NTSR1: variants seen among roughly 807,000 people sequenced by gnomAD.
The protein encoded by NTSR1 is neurotensin receptor type 1.
In NTSR1, 29 loss-of-function variants were observed where a neutral mutation model predicts 31.2. The observed-to-expected ratio is 0.93, with a 90% CI of 0.69 to 1.27. The LOEUF (loss-of-function observed/expected upper bound fraction) is 1.27. Among genes scored for constraint, NTSR1 ranks in the 50% most tolerant of loss-of-function variants. The probability of loss-of-function intolerance (pLI) is 0.00; values close to 1 mark genes in which losing one functional copy is unlikely to be tolerated. For synonymous variants in NTSR1, 282 were observed against 269.9 expected, an observed-to-expected ratio of 1.04 and a Z score of -0.44; for missense variants, 697 against 595.4, an observed-to-expected ratio of 1.17 and a Z score of -1.78.
intron 3 of NTSR1, among the ~76,000 whole-genome samples, chr20:62,759,678 G>A (rs565484416): frequency 2.0e-5 from 3 of 152,046 alleles, no homozygotes; most frequent in Non-Finnish European, 4.4e-5. Context: ...GGGAGGCTGA[G>A]GCAGGAGAAT....
chr20:62,756,738 G>A (rs1434503485), intron 2 of NTSR1: 1 of 152,268 alleles, frequency 6.6e-6, no homozygotes, highest in Non-Finnish European at 1.5e-5. Flanking sequence ...CATCCAAGGT[G>A]TGTCCTGGTC....
At chr20:62,747,983 C>G (rs1989330632) in intron 1 of NTSR1, among the ~76,000 whole-genome samples, 1 of 152,192 alleles carries the variant, frequency 6.6e-6, no homozygotes, top group Non-Finnish European at 1.5e-5. Flanking sequence ...TGAAACCAGC[C>G]TGGCCAACAT....
intron 1 of NTSR1, among the ~76,000 whole-genome samples, chr20:62,739,496 G>T (rs887257100): frequency 1.3e-5 from 2 of 152,256 alleles, no homozygotes. Context: ...GGAGAGCCAG[G>T]TGTCACTGAG....
In NTSR1 at chr20:62,738,060, G is replaced by A. The variant is rs563852023; in HGVS notation, c.715-16625G>A. ...TTCCCTGCAGTGCCCATCTGCCCAC[G>A]TCTGCCCCCCTCCCCCTCCTCTGCC... On this transcript the variant is annotated intron_variant, in intron 1 of 3. Transcript: ENST00000370501. Among the ~76,000 whole-genome samples the A allele has an allele frequency of 1.7e-4, 26 of 152,246 alleles. No homozygotes were observed. The East Asian group carries it at 4.2e-3, about 25-fold the overall frequency.
intron 1 of NTSR1, among the ~76,000 whole-genome samples, chr20:62,726,756 A>G (rs2147136701): frequency 1.3e-5 from 2 of 151,408 alleles, no homozygotes; most frequent in African/African-American, 4.8e-5. Flanking sequence ...TCATTTTACT[A>G]GGTGAGGAGG....
intron 1 of NTSR1, among the ~76,000 whole-genome samples, chr20:62,739,054 T>G (rs2147141697): frequency 6.6e-6 from 1 of 151,918 alleles, no homozygotes; most frequent in South Asian, 2.1e-4. Context: ...AAGCCAAGCC[T>G]CCTCACTGTT....
chr20:62,709,257 AC>A lies in NTSR1; in HGVS notation c.54del (p.Phe19SerfsTer38). On this transcript the variant is annotated frameshift_variant, in exon 1 of 4. Coordinates refer to ENST00000370501, the MANE Select transcript of NTSR1 (RefSeq NM_002531.3). LOFTEE classifies it high-confidence loss of function. The stretch of plus-strand genomic sequence containing the variant: ...GGAACCCCGGGCACGCCGGCCGCCG[AC>A]CCCTTCCAGCGGGCGCAGGCCGGAC... ...APGTPGTPAA[D>X]PFQRAQAGLE... 1 of 1,536,316 alleles carries A rather than the reference AC, an allele frequency of 6.5e-7. No homozygotes were observed. Among genetic ancestry groups the A allele is most frequent in the Non-Finnish European group, 8.7e-7 (1 of 1,148,026 alleles).
rs2427441 is a variant in NTSR1, at chr20:62,762,030, C to T, written c.*1763C>T. On this transcript the variant is annotated 3_prime_UTR_variant, in exon 4 of 4. Coordinates refer to ENST00000370501, the MANE Select transcript of NTSR1 (RefSeq NM_002531.3). The stretch of plus-strand genomic sequence containing the variant: ...GAGGGGCCTTCCTCCCCCACAGAGC[C>T]CCCATGACATAGTCTGCTCTGGGCG... 0.8 allele frequency: 122,344 copies of T among 152,280 alleles called. 49,858 individuals are homozygous for T. Among genetic ancestry groups the T allele is most frequent in the East Asian group, 0.9 (4,660 of 5,182 alleles). The allele number at this position is 152,280 out of a possible 1,614,324, so 9.4% of individuals were successfully genotyped here.
intron 1 of NTSR1, among the ~76,000 whole-genome samples, chr20:62,721,955 C>G (rs1184982953): frequency 6.6e-6 from 1 of 152,182 alleles, no homozygotes; most frequent in African/African-American, 2.4e-5. Flanking sequence ...CTGATTTACA[C>G]CTGACACCTC....
At position 62,760,705 on chromosome 20, in the gene NTSR1, T is replaced by G; in HGVS notation, c.*438T>G. 1.2e-5 allele frequency: 2 copies of G among 160,626 alleles called. No homozygotes were observed. The highest frequency in any genetic ancestry group is 2.7e-5 in the Non-Finnish European group (2 of 72,792). 10.0% of individuals were successfully genotyped at this position (160,626 alleles called of 1,614,324 possible). A position where few individuals can be genotyped will look rare whatever the true frequency, so the allele number is the denominator to read the frequency against. The stretch of plus-strand genomic sequence containing the variant: ...CTCTGAGGCCTGCACCCCCTCTGTC[T>G]AGCTCGGGGAGTCCAGCCCCAGTCC... On this transcript the variant is annotated 3_prime_UTR_variant, in exon 4 of 4. Coordinates refer to ENST00000370501, the MANE Select transcript of NTSR1 (RefSeq NM_002531.3).
rs1448488738 is a variant in NTSR1, at chr20:62,762,233, G to A, written c.*1966G>A. 1 of 152,248 alleles carries A rather than the reference G, an allele frequency of 6.6e-6. No individual in the cohort carries two copies. Among genetic ancestry groups the A allele is most frequent in the Non-Finnish European group, 1.5e-5 (1 of 68,070 alleles). The allele number at this position is 152,248 out of a possible 1,614,324, so 9.4% of individuals were successfully genotyped here. Reference sequence around the variant, plus strand: ...CCCTTCTCTGGGGCTCCTGGACCTTGGGCCATAATTTCTGAGCCTCGGTTT... The same window carrying A: ...CCCTTCTCTGGGGCTCCTGGACCTTAGGCCATAATTTCTGAGCCTCGGTTT... On this transcript the variant is annotated 3_prime_UTR_variant, in exon 4 of 4. Transcript: ENST00000370501.
At chr20:62,752,234 T>TCCGAGTCC (rs1168891742) in intron 1 of NTSR1, among the ~76,000 whole-genome samples, 3 of 152,042 alleles carry the variant, frequency 2.0e-5, no homozygotes, top group Non-Finnish European at 4.4e-5. Context: ...CAGGCTTTCC[T>TCCGAGTCC]CCGAGTCCCC....
At chr20:62,713,003 A>G (rs1600717020) in intron 1 of NTSR1, among the ~76,000 whole-genome samples, 1 of 152,108 alleles carries the variant, frequency 6.6e-6, no homozygotes, top group African/African-American at 2.4e-5. Flanking sequence ...GGGGCCTGGG[A>G]CTTCAGGTGT....
chr20:62,759,973 C>T, intron 3 of NTSR1, 45 bp from the exon 4 acceptor site: 7 of 1,601,212 alleles, frequency 4.4e-6, no homozygotes, highest in Non-Finnish European at 6.0e-6. Flanking sequence ...CCTTGGGGCC[C>T]TCAAGAGTTC....
intron 1 of NTSR1, among the ~76,000 whole-genome samples, chr20:62,723,148 A>T (rs1988850399): frequency 6.6e-6 from 1 of 152,236 alleles, no homozygotes. Context: ...GAATTATTTC[A>T]AGAGCCTTGT....
intron 1 of NTSR1, among the ~76,000 whole-genome samples, chr20:62,737,773 GCCTCCTGCTTTA>G (rs1181577637): frequency 1.3e-5 from 2 of 151,926 alleles, no homozygotes; most frequent in African/African-American, 4.8e-5. Context: ...GGCTGCAGCG[GCCTCCTGCTTTA>G]CCTCCTGCTG....
chr20:62,738,220 C>T (rs993925214), intron 1 of NTSR1, among the ~76,000 whole-genome samples: 6 of 152,026 alleles, frequency 3.9e-5, no homozygotes, highest in Non-Finnish European at 7.4e-5. Context: ...CCCAGGTGCA[C>T]GCAGAGGGTG....
rs1182222729 is a variant in NTSR1, at chr20:62,715,371, C to A, written c.714+5450C>A. 6.6e-6 allele frequency among the ~76,000 whole-genome samples: 1 copy of A among 152,176 alleles called. No individual in the cohort carries two copies. Among genetic ancestry groups the A allele is most frequent in the Non-Finnish European group, 1.5e-5 (1 of 68,028 alleles). ...CCCGTTTCCCAGATGAAGCAGAGGG[C>A]AGAGCCACCTGTGCACATCACGTGG... On this transcript the variant is annotated intron_variant, in intron 1 of 3. Coordinates refer to ENST00000370501, the MANE Select transcript of NTSR1 (RefSeq NM_002531.3). The surrounding 1 kb of genome is among the most constrained non-coding windows in gnomAD (Gnocchi z 4.7).
rs200300483 is a variant in NTSR1, at chr20:62,754,890, C to G, written c.916+4C>G. ...CGGCACGGCGTGCGCGTCCTACGTA[C>G]GTAACCTCTGGGCCCTCCAGGGGCG... On this transcript the variant is annotated splice_donor_region_variant and intron_variant, in intron 2 of 3. Transcript: ENST00000370501. 5.5e-4 allele frequency: 881 copies of G among 1,591,158 alleles called. 2 individuals carry two copies. The highest frequency in any genetic ancestry group is 9.1e-4 in the Admixed American group (53 of 58,470).
Sources: gnomAD v4.1 joint callset for allele counts (sites outside exome capture counted in the v4.1 genomes callset) on GRCh38, gnomAD v4.1.1 for gene constraint, Gnocchi (gnomAD v3.1) non-coding constraint, MANE v1.5 for transcripts, NCBI Gene and HGNC (gene_info 2026-07-23, HGNC 2026-07-21) for gene names.